STK33: variants seen among roughly 807,000 people sequenced by gnomAD.
The protein encoded by STK33 is serine/threonine kinase 33.
STK33 carries 52 observed loss-of-function variants against 58.0 expected under a neutral mutation model. That is an observed-to-expected ratio of 0.90 (90% CI 0.72 to 1.13). The LOEUF is 1.13. STK33 is among the 50% of genes most tolerant of loss of function. The probability of loss-of-function intolerance (pLI) is 0.00; values close to 1 mark genes in which losing one functional copy is unlikely to be tolerated. For missense variants in STK33, 630 were observed against 604.2 expected (o/e 1.04, Z -0.45); for synonymous variants, 215 against 200.1 (o/e 1.07, Z -0.63).
intron 1 of STK33, among the ~76,000 whole-genome samples, chr11:8,518,135 A>T (rs574071633): frequency 2.9e-4 from 44 of 152,286 alleles, no homozygotes; most frequent in African/African-American, 1.1e-3. Context: ...AGACTAACAG[A>T]GGATCTCTTG....
the STK33 span, among the ~76,000 whole-genome samples, chr11:8,370,022 C>A: frequency 6.6e-6 from 1 of 152,018 alleles, no homozygotes; most frequent in African/African-American, 2.4e-5. Context: ...TCCGTGTTAA[C>A]AACAGCCCCG....
chr11:8,453,731 G>A (rs542550763), intron 10 of STK33, among the ~76,000 whole-genome samples: 2 of 152,176 alleles, frequency 1.3e-5, no homozygotes, highest in Non-Finnish European at 1.5e-5. Flanking sequence ...TCTTTGTCCA[G>A]AGACAATGAA....
intron 1 of STK33, among the ~76,000 whole-genome samples, chr11:8,483,201 A>AC (rs1949960799): frequency 6.9e-6 from 1 of 144,622 alleles, no homozygotes; most frequent in African/African-American, 2.9e-5. Context: ...GGAATGAGTT[A>AC]GAGTTCACCT....
chr11:8,553,187 T>TC (rs1956446732), intron 1 of STK33, among the ~76,000 whole-genome samples: 1 of 75,886 alleles, frequency 1.3e-5, no homozygotes, highest in African/African-American at 7.3e-5. Flanking sequence ...TATATATATA[T>TC]ATATATATAT....
At chr11:8,577,144 T>C (rs967174742) in intron 1 of STK33, among the ~76,000 whole-genome samples, 3 of 152,142 alleles carry the variant, frequency 2.0e-5, no homozygotes, top group Non-Finnish European at 2.9e-5. Flanking sequence ...TCTAACATGA[T>C]ACAACTATCA....
chr11:8,576,018 T>C (rs1034357901), intron 1 of STK33, among the ~76,000 whole-genome samples: 2 of 152,022 alleles, frequency 1.3e-5, no homozygotes, highest in African/African-American at 4.8e-5. Context: ...GAAGACTAAC[T>C]CAATCTAGTT....
chr11:8,550,473 G>A (rs1956231402), intron 1 of STK33, among the ~76,000 whole-genome samples: 1 of 152,068 alleles, frequency 6.6e-6, no homozygotes, highest in Non-Finnish European at 1.5e-5. Flanking sequence ...GCACTGTCCG[G>A]CTGCAAATTT....
At chr11:8,491,707 T>G (rs1168592693) in intron 1 of STK33, among the ~76,000 whole-genome samples, 1 of 152,152 alleles carries the variant, frequency 6.6e-6, no homozygotes, top group Non-Finnish European at 1.5e-5. Context: ...AAGGTCAGGT[T>G]ACTCACAAAG....
At chr11:8,420,326 C>T (rs533825550) in intron 14 of STK33, among the ~76,000 whole-genome samples, 2 of 152,158 alleles carry the variant, frequency 1.3e-5, no homozygotes, top group African/African-American at 2.4e-5. Flanking sequence ...AACAAAATCA[C>T]CTCAGTGATT....
intron 1 of STK33, among the ~76,000 whole-genome samples, chr11:8,503,104 C>G (rs1381017695): frequency 6.6e-6 from 1 of 152,066 alleles, no homozygotes; most frequent in East Asian, 1.9e-4. Flanking sequence ...CCCAGCAATC[C>G]CATTATTAGG....
rs571546970 is a variant in STK33 at position 8,543,359 on chromosome 11, G to A, written c.-466+50724C>T. ...TGGCCACATTTGTTGATAAACCAAC[G>A]TATTTCAAATTTACAAGTCAAAACC... On this transcript the variant is annotated intron_variant, in intron 1 of 15. Coordinates refer to ENST00000687296, the MANE Select transcript of STK33 (RefSeq NM_001352389.2). 1.3e-3 allele frequency among the ~76,000 whole-genome samples: 192 copies of A among 152,196 alleles called. 1 individual carries two copies. Among genetic ancestry groups the A allele is most frequent in the Non-Finnish European group, 1.9e-3 (128 of 68,014 alleles).
the STK33 span, among the ~76,000 whole-genome samples, chr11:8,343,398 G>A: frequency 6.6e-6 from 1 of 152,238 alleles, no homozygotes; most frequent in African/African-American, 2.4e-5. Flanking sequence ...CTGGCAGTGG[G>A]GACAGCAGCA....
At chr11:8,406,978 ATT>A (rs34574969) in intron 15 of STK33, among the ~76,000 whole-genome samples, 14,224 of 148,696 alleles carry the variant, frequency 0.096, 790 homozygotes, top group East Asian at 0.27. Flanking sequence ...GTAGTTTTGG[ATT>A]TTTTTTTTTT....
chr11:8,376,549 C>CT, the STK33 span, among the ~76,000 whole-genome samples: 322 of 144,454 alleles, frequency 2.2e-3, no homozygotes, highest in Non-Finnish European at 3.4e-3. Flanking sequence ...ATTCTTTTTT[C>CT]TTTTTTTTTT....
At chr11:8,401,409 T>C (rs1322287520) in intron 15 of STK33, among the ~76,000 whole-genome samples, 1 of 152,082 alleles carries the variant, frequency 6.6e-6, no homozygotes. Context: ...GAAAACTGGT[T>C]AGCCATATGT....
At chr11:8,440,844 C>G (rs1412505193) in intron 11 of STK33, 91 bp from the exon 12 acceptor site, 3 of 1,300,592 alleles carry the variant, frequency 2.3e-6, no homozygotes, top group Non-Finnish European at 3.2e-6. Flanking sequence ...TGCTGATGTG[C>G]TGTAATTTAT....
chr11:8,534,562 C>CTGTGTGTGTGTG (rs1385373380), intron 1 of STK33, among the ~76,000 whole-genome samples: 12 of 129,064 alleles, frequency 9.3e-5, no homozygotes, highest in African/African-American at 3.6e-4. Context: ...CTCTCTCTCT[C>CTGTGTGTGTGTG]TCTCTCTGTG....
chr11:8,348,004 C>T, the STK33 span, among the ~76,000 whole-genome samples: 7 of 152,208 alleles, frequency 4.6e-5, no homozygotes, highest in East Asian at 3.8e-4. Context: ...GTCTTGTTCC[C>T]GGTCTAGTCC....
chr11:8,498,468 G>A (rs1951232963), intron 1 of STK33, among the ~76,000 whole-genome samples: 1 of 152,132 alleles, frequency 6.6e-6, no homozygotes, highest in Admixed American at 6.5e-5. Context: ...AACATTCCAT[G>A]CTCATGGATA....
Sources: allele counts gnomAD v4.1 joint callset (sites outside exome capture counted in the v4.1 genomes callset), GRCh38; gene constraint gnomAD v4.1.1; transcripts MANE v1.5; gene names NCBI Gene and HGNC (gene_info 2026-07-23, HGNC 2026-07-21).